Variants in CSMD1 observed in about 807,000 individuals in gnomAD.
CSMD1 encodes CUB and Sushi multiple domains 1.
Under a neutral mutation model 417.5 loss-of-function variants are expected in CSMD1, and 213 were observed. The ratio of observed to expected loss-of-function variants is 0.51; its 90% CI spans 0.46 to 0.57. The LOEUF is 0.57. CSMD1 is among the 20% of genes least tolerant of loss of function. The pLI is 0.00. For synonymous variants in CSMD1, 2,862 were observed against 1,736.8 expected (o/e 1.65, Z -16.11); for missense variants, 6,923 against 4,529.7 (o/e 1.53, Z -15.17).
At chr8:4,012,278 G>A (rs1178706677) in intron 4 of CSMD1, among the ~76,000 whole-genome samples, 1 of 152,028 alleles carries the variant, frequency 6.6e-6, no homozygotes, top group African/African-American at 2.4e-5. Flanking sequence ...CAGTTCTTCT[G>A]AGTCATCATG....
chr8:4,076,064 C>T (rs1799806042), intron 3 of CSMD1, among the ~76,000 whole-genome samples: 1 of 152,014 alleles, frequency 6.6e-6, no homozygotes, highest in African/African-American at 2.4e-5. Context: ...TTGGCTGTGT[C>T]CCCACCCAAA....
At chr8:4,568,121 C>G (rs1189292151) in intron 2 of CSMD1, among the ~76,000 whole-genome samples, 2 of 152,146 alleles carry the variant, frequency 1.3e-5, no homozygotes, top group Non-Finnish European at 2.9e-5. Context: ...AAAGCACATT[C>G]ACATCTAAGA....
At chr8:3,098,884 C>T (rs949458152) in intron 46 of CSMD1, among the ~76,000 whole-genome samples, 2 of 149,500 alleles carry the variant, frequency 1.3e-5, no homozygotes, top group East Asian at 3.9e-4. Flanking sequence ...AGCCAATATA[C>T]ACAATTTTTT....
At chr8:3,835,782 G>A (rs1802658159) in intron 5 of CSMD1, among the ~76,000 whole-genome samples, 1 of 151,298 alleles carries the variant, frequency 6.6e-6, no homozygotes, top group Non-Finnish European at 1.5e-5. Flanking sequence ...GGCTAACTCT[G>A]GGTGATTGTG....
At chr8:3,844,827 G>GTTTTT (rs1257771609) in intron 5 of CSMD1, among the ~76,000 whole-genome samples, 1 of 152,044 alleles carries the variant, frequency 6.6e-6, no homozygotes, top group African/African-American at 2.4e-5. Context: ...TTTTGTTTTT[G>GTTTTT]TTTTTGTCTT....
chr8:3,353,264 C>T (rs536541535), intron 21 of CSMD1, among the ~76,000 whole-genome samples: 1 of 152,162 alleles, frequency 6.6e-6, no homozygotes, highest in African/African-American at 2.4e-5. Flanking sequence ...TTTGAAGAAA[C>T]ATTGGTATAC....
chr8:3,986,834 C>A (rs1814361687), intron 5 of CSMD1, among the ~76,000 whole-genome samples: 1 of 152,064 alleles, frequency 6.6e-6, no homozygotes, highest in Non-Finnish European at 1.5e-5. Flanking sequence ...CGGCTCACTG[C>A]AATCTCTGCT....
At chr8:4,727,547 T>C (rs1405942853) in intron 1 of CSMD1, among the ~76,000 whole-genome samples, 5 of 152,042 alleles carry the variant, frequency 3.3e-5, no homozygotes, top group Non-Finnish European at 7.4e-5. Flanking sequence ...CAAAGAAAAA[T>C]GGTGCAGAAC....
At position 3,937,195 on chromosome 8, in the gene CSMD1, T is replaced by C. The variant is rs376722071; in HGVS notation, c.818+60708A>G. Among the ~76,000 whole-genome samples the C allele has an allele frequency of 4.6e-5, 7 of 152,276 alleles. No individual in the cohort carries two copies. In the South Asian group the frequency reaches 6.2e-4, roughly 14 times the overall value. On this transcript the variant is annotated intron_variant, in intron 5 of 69. Transcript: ENST00000635120. ...ACTCCTGGTGAAGATGCTGTGAACA[T>C]TGTTGAAATGACAACAAAAGATTGT...
intron 6 of CSMD1, among the ~76,000 whole-genome samples, chr8:3,715,402 T>G (rs539871950): frequency 6.6e-6 from 1 of 152,218 alleles, no homozygotes; most frequent in African/African-American, 2.4e-5. Flanking sequence ...CTAAAGCTCA[T>G]CACCTTGAAA....
rs563620721 is a variant in CSMD1 at position 3,172,041 on chromosome 8, CA to C, written c.5725+9068del. ...ACTCACTCAAAAACTAAAGGATCTA[CA>C]AAATCCTGAGAATTCCCTTATGCAG... is the stretch of plus-strand genomic sequence containing the variant. On this transcript the variant is annotated intron_variant, in intron 37 of 69. Transcript: ENST00000635120. 1.6e-3 allele frequency among the ~76,000 whole-genome samples: 240 copies of C among 152,290 alleles called. 2 individuals are homozygous for C. Among genetic ancestry groups the C allele is most frequent in the Middle Eastern group, 6.8e-3 (2 of 294 alleles).
intron 1 of CSMD1, among the ~76,000 whole-genome samples, chr8:4,828,881 G>A (rs768255711): frequency 2.6e-5 from 4 of 152,114 alleles, no homozygotes; most frequent in Non-Finnish European, 5.9e-5. Flanking sequence ...CATGATATGC[G>A]TTCCACATCC....
intron 2 of CSMD1, among the ~76,000 whole-genome samples, chr8:4,628,288 A>G (rs1048360716): frequency 6.6e-6 from 1 of 151,072 alleles, no homozygotes; most frequent in East Asian, 2.0e-4. Flanking sequence ...ATTTTAACTT[A>G]ATTTGTCATT....
chr8:3,475,377 TA>T (rs1817347061), intron 11 of CSMD1, among the ~76,000 whole-genome samples: 6 of 151,980 alleles, frequency 3.9e-5, no homozygotes, highest in African/African-American at 1.5e-4. Flanking sequence ...AATAAAAATA[TA>T]AATTAACCTA....
rs553019067 is a variant in CSMD1, at chr8:4,866,226, G to A, written c.85+128106C>T. ...GAAAAGCTTTCTATAAAAACTTAATGTACCAGGCTCTCTTGAAATTCACAT... is the reference window on the plus strand; with the variant it reads ...GAAAAGCTTTCTATAAAAACTTAATATACCAGGCTCTCTTGAAATTCACAT... On this transcript the variant is annotated intron_variant, in intron 1 of 69. Transcript: ENST00000635120. 3.3e-5 allele frequency among the ~76,000 whole-genome samples: 5 copies of A among 151,862 alleles called. 1 individual carries two copies. The highest frequency in any genetic ancestry group is 7.3e-5 in the African/African-American group (3 of 41,330).
At chr8:3,599,862 G>C (rs562999306) in intron 8 of CSMD1, among the ~76,000 whole-genome samples, 1 of 152,170 alleles carries the variant, frequency 6.6e-6, no homozygotes, top group African/African-American at 2.4e-5. Flanking sequence ...TCATACACAA[G>C]AAAGTGTAAT....
At chr8:4,247,789 G>T (rs1381444964) in intron 3 of CSMD1, among the ~76,000 whole-genome samples, 1 of 152,074 alleles carries the variant, frequency 6.6e-6, no homozygotes, top group South Asian at 2.1e-4. Context: ...TCTGAAAAAA[G>T]TACTGTGGGA....
intron 7 of CSMD1, among the ~76,000 whole-genome samples, chr8:3,676,817 C>T (rs1353348107): frequency 1.3e-5 from 2 of 152,138 alleles, no homozygotes; most frequent in African/African-American, 4.8e-5. Flanking sequence ...GGCACATACA[C>T]ACCATGGAAT....
intron 26 of CSMD1, among the ~76,000 whole-genome samples, chr8:3,252,606 T>A (rs1318084425): frequency 1.3e-5 from 2 of 152,212 alleles, no homozygotes; most frequent in Admixed American, 6.5e-5. Flanking sequence ...TCCCTCTTTT[T>A]CTATTGATTG....
Sources: allele counts gnomAD v4.1 joint callset (sites outside exome capture counted in the v4.1 genomes callset), GRCh38; gene constraint gnomAD v4.1.1; transcripts MANE v1.5; gene names NCBI Gene and HGNC (gene_info 2026-07-23, HGNC 2026-07-21).